SLC39A10: variants seen among roughly 807,000 people sequenced by gnomAD.
The protein encoded by SLC39A10 is zinc transporter ZIP10.
SLC39A10 carries 13 observed loss-of-function variants against 65.1 expected under a neutral mutation model. The observed-to-expected ratio is 0.20, with a 90% CI of 0.13 to 0.32. The LOEUF is 0.32. SLC39A10 is among the 10% of genes least tolerant of loss of function. The pLI is 1.00. For missense variants in SLC39A10, 831 were observed against 1,018.4 expected (o/e 0.82, Z 2.50); for synonymous variants, 321 against 342.2 (o/e 0.94, Z 0.68).
chr2:195,694,640 C>T (rs1372653514), intron 3 of SLC39A10, among the ~76,000 whole-genome samples: 1 of 152,140 alleles, frequency 6.6e-6, no homozygotes, highest in Non-Finnish European at 1.5e-5. Context: ...AGCACCTGTT[C>T]TTGAGGAGGT....
At chr2:195,705,263 A>G (rs1357505332) in intron 3 of SLC39A10, among the ~76,000 whole-genome samples, 1 of 152,122 alleles carries the variant, frequency 6.6e-6, no homozygotes, top group Non-Finnish European at 1.5e-5. Flanking sequence ...CAGCCCTCTA[A>G]TACTGGTTGT....
rs1318301322 is a variant in SLC39A10, at chr2:195,624,260, G to A, written c.-12+18027G>A. On this transcript the variant is annotated intron_variant, in intron 2 of 2. Transcript: ENST00000458054. Reference sequence around the variant, plus strand: ...AAATTAGCTGGGTATGCTGGCGGGCGCCTGTAATCCCAGCTACTCGGGAGG... The same window carrying A: ...AAATTAGCTGGGTATGCTGGCGGGCACCTGTAATCCCAGCTACTCGGGAGG... Among the ~76,000 whole-genome samples, 3 of 151,570 alleles carry A rather than the reference G, an allele frequency of 2.0e-5. No individual in the cohort carries two copies. In the East Asian group the frequency reaches 5.8e-4, roughly 29 times the overall value.
rs113965376 is a variant in SLC39A10 at position 195,695,749 on chromosome 2, C to T, written c.1217-10867C>T. The stretch of plus-strand genomic sequence containing the variant: ...CAGCCGCCTATCCGCCATCTTAATC[C>T]GTAATTGTCTTTTGATGCACAAATT... On this transcript the variant is annotated intron_variant, in intron 3 of 9. Transcript: ENST00000359634. Among the ~76,000 whole-genome samples, 424 of 152,282 alleles carry T rather than the reference C, an allele frequency of 2.8e-3. 1 individual carries two copies. The highest frequency in any genetic ancestry group is 0.01 in the African/African-American group (418 of 41,568).
At chr2:195,689,846 A>G (rs10164913) in intron 3 of SLC39A10, among the ~76,000 whole-genome samples, 78,596 of 151,996 alleles carry the variant, frequency 0.52, 21,023 homozygotes, top group Non-Finnish European at 0.6. Context: ...TTCACTTAGC[A>G]TTATGTCCTC....
intron 1 of SLC39A10, among the ~76,000 whole-genome samples, chr2:195,659,604 T>C (rs1480329451): frequency 6.6e-6 from 1 of 152,208 alleles, no homozygotes; most frequent in Non-Finnish European, 1.5e-5. Context: ...GGAAAAAATT[T>C]AGGGCTTTGG....
intron 8 of SLC39A10, among the ~76,000 whole-genome samples, chr2:195,719,823 T>C (rs1470624995): frequency 2.0e-5 from 3 of 149,828 alleles, no homozygotes; most frequent in East Asian, 3.9e-4. Context: ...AGAGTTTTGC[T>C]CTTGTTGCCC....
Position 195,706,702 on chromosome 2 carries a change from T to G in SLC39A10, c.1303T>G (p.Cys435Gly). 2.5e-6 allele frequency: 4 copies of G among 1,607,224 alleles called. No homozygotes were observed. The highest frequency in any genetic ancestry group is 3.4e-6 in the Non-Finnish European group (4 of 1,176,750). The stretch of plus-strand genomic sequence containing the variant: ...CTTGGTTCCTATCATTAACCAAGGA[T>G]GCTTCAAATTCCTTCTTACATTCCT... ...VILVPIINQGCFKFLLTFLVA... is the reference protein window; with the variant it reads ...VILVPIINQGGFKFLLTFLVA... The change falls in exon 4 of 10, where the codon TGC (cysteine) becomes GGC (glycine). Residue 435 changes from cysteine (C) to glycine (G), a missense_variant. By Grantham distance (159) the Cys-to-Gly change is radical. This residue lies in a region of SLC39A10 where 35 missense variants were observed against 72.4 expected (regional missense o/e 0.48). Transcript: ENST00000359634.
At chr2:195,630,375 T>C (rs1688562217) in intron 2 of SLC39A10, among the ~76,000 whole-genome samples, 1 of 152,072 alleles carries the variant, frequency 6.6e-6, no homozygotes, top group African/African-American at 2.4e-5. Context: ...ATGCAGGGCT[T>C]CCATGCCCTC....
chr2:195,701,693 T>C (rs920493482), intron 3 of SLC39A10, among the ~76,000 whole-genome samples: 4 of 151,966 alleles, frequency 2.6e-5, no homozygotes, highest in Non-Finnish European at 5.9e-5. Context: ...TTGTTTTTTG[T>C]TTTTTTGAGA....
upstream of SLC39A10, among the ~76,000 whole-genome samples, chr2:195,655,241 C>A (rs951168362): frequency 6.6e-6 from 1 of 152,070 alleles, no homozygotes; most frequent in Non-Finnish European, 1.5e-5. Flanking sequence ...TGGGGGGATA[C>A]CACTCAGAGT....
intron 3 of SLC39A10, among the ~76,000 whole-genome samples, chr2:195,690,918 T>G (rs554900824): frequency 5.8e-4 from 88 of 152,278 alleles, no homozygotes; most frequent in African/African-American, 2.0e-3. Context: ...AATAAGTTCT[T>G]TAGTGGTGAT....
chr2:195,644,542 A>G (rs1316877126), intron 2 of SLC39A10, among the ~76,000 whole-genome samples: 2 of 151,204 alleles, frequency 1.3e-5, no homozygotes, highest in East Asian at 3.9e-4. Flanking sequence ...GGGTTTCACC[A>G]TGTTGGTCAG....
At position 195,737,606 on chromosome 2, in the gene SLC39A10, T is replaced by TG. The variant is rs1484390328; in HGVS notation, c.*2565_*2566insG. On this transcript the variant is annotated 3_prime_UTR_variant, in exon 10 of 10. Coordinates refer to ENST00000359634, the MANE Select transcript of SLC39A10 (RefSeq NM_020342.3). Reference sequence around the variant, plus strand: ...AAGCTGGAAAATATCAAATGCTGTTTTTTTTTTTTCATTGTCAACAGTGGT... The same window carrying TG: ...AAGCTGGAAAATATCAAATGCTGTTTGTTTTTTTTTCATTGTCAACAGTGGT... The TG allele has an allele frequency of 2.6e-5, 2 of 76,496 alleles. No homozygotes were observed. Among genetic ancestry groups the TG allele is most frequent in the African/African-American group, 9.0e-5 (2 of 22,234 alleles). 4.7% of individuals were successfully genotyped at this position (76,496 alleles called of 1,614,324 possible).
intron 6 of SLC39A10, among the ~76,000 whole-genome samples, chr2:195,715,354 C>T (rs1198311421): frequency 6.6e-6 from 1 of 151,536 alleles, no homozygotes; most frequent in African/African-American, 2.4e-5. Flanking sequence ...GGTGAAACCC[C>T]GTCTCTACTA....
Position 195,671,970 on chromosome 2 carries a change from T to A in SLC39A10, c.-11-8062T>A, listed in dbSNP as rs912014680. Among the ~76,000 whole-genome samples the A allele has an allele frequency of 1.5e-4, 23 of 152,252 alleles. No individual in the cohort carries two copies. In the East Asian group the frequency reaches 3.7e-3, roughly 24 times the overall value. ...CCCGGAGCGGTCATCTTTTTTTTTTTTAATGTCCAAGTGATTTAATATGGA... is the reference window on the plus strand; with the variant it reads ...CCCGGAGCGGTCATCTTTTTTTTTTATAATGTCCAAGTGATTTAATATGGA... On this transcript the variant is annotated intron_variant, in intron 1 of 9. Transcript: ENST00000359634.
chr2:195,733,749 C>CA (rs1181056834), intron 9 of SLC39A10, among the ~76,000 whole-genome samples: 2 of 152,066 alleles, frequency 1.3e-5, no homozygotes, highest in African/African-American at 2.4e-5. Flanking sequence ...AGGCTGGTCT[C>CA]AAACTCCCGA....
At chr2:195,630,605 G>A (rs180858353) in intron 2 of SLC39A10, among the ~76,000 whole-genome samples, 4 of 152,322 alleles carry the variant, frequency 2.6e-5, no homozygotes, top group Admixed American at 2.0e-4. Flanking sequence ...CTGCCAGAGA[G>A]GCCTAACACA....
chr2:195,729,400 C>G (rs1469694121), intron 9 of SLC39A10, among the ~76,000 whole-genome samples: 1 of 152,196 alleles, frequency 6.6e-6, no homozygotes, highest in Non-Finnish European at 1.5e-5. Context: ...TCCCTGCTGA[C>G]TTTTAATATC....
In SLC39A10 at chr2:195,646,184, G is replaced by A. The variant is rs183336371; in HGVS notation, c.-11-33848G>A. On this transcript the variant is annotated intron_variant, in intron 2 of 2. Coordinates refer to the SLC39A10 transcript ENST00000458054. ...TGGTCTTGAACTCCTGGCCTCAAGC[G>A]ATCCGCCCACCTCAGCCTCCCAAAG... 3.9e-5 allele frequency among the ~76,000 whole-genome samples: 6 copies of A among 152,266 alleles called. No homozygotes were observed. In the East Asian group the frequency reaches 5.8e-4, roughly 15 times the overall value.
Sources: gnomAD v4.1 joint callset for allele counts (sites outside exome capture counted in the v4.1 genomes callset) on GRCh38, gnomAD v4.1.1 for gene constraint, gnomAD v4.1.1 regional missense constraint, MANE v1.5 for transcripts, NCBI Gene and HGNC (gene_info 2026-07-23, HGNC 2026-07-21) for gene names.